Variants in MARS1 observed in about 807,000 individuals in gnomAD.
MARS1 encodes the protein methionyl-tRNA synthetase 1.
In MARS1, 80 loss-of-function variants were observed where a neutral mutation model predicts 119.5. The ratio of observed to expected loss-of-function variants is 0.67; its 90% CI spans 0.56 to 0.81. The LOEUF (loss-of-function observed/expected upper bound fraction) is 0.81, where lower values mean the gene tolerates loss of function less well. Among genes scored for constraint, MARS1 ranks in the 30% least tolerant of loss-of-function variants. The pLI is 0.00. For missense variants in MARS1, 945 were observed against 1,116.5 expected (o/e 0.85, Z 2.19); for synonymous variants, 418 against 433.4 (o/e 0.96, Z 0.44).
chr12:57,508,105 C>T (rs554966235), intron 11 of MARS1, among the ~76,000 whole-genome samples: 12 of 152,160 alleles, frequency 7.9e-5, no homozygotes, highest in South Asian at 2.1e-4. Flanking sequence ...GATGGGATGG[C>T]AGCTGGGAAG....
At position 57,490,518 on chromosome 12, in the gene MARS1, A is replaced by T; in HGVS notation, c.664-20A>T. On this transcript the variant is annotated intron_variant, in intron 6 of 20. Coordinates refer to ENST00000262027, the MANE Select transcript of MARS1 (RefSeq NM_004990.4). ...GTGGGCCCTCCTCACCTGGTAAGGG[A>T]TTCTCTCCACTCTTTATAGGAGGAG... The T allele has an allele frequency of 6.2e-7, 1 of 1,613,244 alleles. No homozygotes were observed. Among genetic ancestry groups the T allele is most frequent in the Non-Finnish European group, 8.5e-7 (1 of 1,179,220 alleles).
rs1565640172 is a variant in MARS1 at position 57,493,502 on chromosome 12, ATATAATATATAATATATAATATAT to A, written c.770+2876_770+2899del. On this transcript the variant is annotated intron_variant, in intron 7 of 20. Coordinates refer to ENST00000262027, the MANE Select transcript of MARS1 (RefSeq NM_004990.4). ...TATATAATATATAATATATTATAAT[ATATAATATATAATATATAATATAT>A]TATAATATATAATATATTATAATAT... Among the ~76,000 whole-genome samples, 17 of 5,544 alleles carry A rather than the reference ATATAATATATAATATATAATATAT, an allele frequency of 3.1e-3. 5 individuals are homozygous for A. Among genetic ancestry groups the A allele is most frequent in the African/African-American group, 0.012 (16 of 1,350 alleles). 3.6% of individuals were successfully genotyped at this position (5,544 alleles called of 152,430 possible).
chr12:57,508,534 G>A (rs187595910), intron 11 of MARS1, among the ~76,000 whole-genome samples: 7 of 152,380 alleles, frequency 4.6e-5, no homozygotes, highest in Admixed American at 1.3e-4. Flanking sequence ...GGCGGCACGC[G>A]CCCGCAATCG....
At chr12:57,488,460 ACTG>A in intron 1 of MARS1, 1 of 1,105,548 alleles carries the variant, frequency 9.0e-7, no homozygotes, top group Non-Finnish European at 1.3e-6. Flanking sequence ...ACCCCAGTAA[ACTG>A]CTCTTCCCTT....
intron 7 of MARS1, among the ~76,000 whole-genome samples, chr12:57,492,685 A>T (rs1219237689): frequency 1.3e-4 from 13 of 103,222 alleles, no homozygotes; most frequent in African/African-American, 5.3e-4. Context: ...ACACACACAC[A>T]CACACACACA....
chr12:57,495,551 A>G lies in MARS1; in HGVS notation c.771-2606A>G, dbSNP rs552307057. Among the ~76,000 whole-genome samples the G allele has an allele frequency of 1.8e-3, 265 of 149,838 alleles. 2 individuals carry two copies. Among genetic ancestry groups the G allele is most frequent in the African/African-American group, 6.4e-3 (258 of 40,402 alleles). On this transcript the variant is annotated intron_variant, in intron 7 of 20. Transcript: ENST00000262027. ...CAGGCAGAGGGGCTCCTCACATCCCAGACGATGGGCAGCCAGGCTGAGACG... is the reference window on the plus strand; with the variant it reads ...CAGGCAGAGGGGCTCCTCACATCCCGGACGATGGGCAGCCAGGCTGAGACG...
chr12:57,511,840 C>G lies in MARS1; in HGVS notation c.1511C>G (p.Pro504Arg). The G allele has an allele frequency of 6.2e-7, 1 of 1,614,176 alleles. No individual in the cohort carries two copies. The highest frequency in any genetic ancestry group is 1.6e-4 in the Middle Eastern group (1 of 6,062). ...ACCCGAGACCTCAAATGGGGAACCC[C>G]TGTACCCTTAGAAGGTTTTGAAGAC... ...CITRDLKWGT[P>R]VPLEGFEDKV... Residue 504 changes from proline (P) to arginine (R), a missense_variant, in exon 12 of 21, where the codon CCT becomes CGT. Coordinates refer to ENST00000262027, the MANE Select transcript of MARS1 (RefSeq NM_004990.4).
rs553797439 is a variant in MARS1, at chr12:57,512,839, T to C, written c.1842T>C (p.Ala614=). 3 of 1,614,256 alleles carry C rather than the reference T, an allele frequency of 1.9e-6. No individual in the cohort carries two copies. In the South Asian group the frequency reaches 3.3e-5, roughly 18 times the overall value. The change falls in exon 15 of 21, where the codon GCT becomes GCC. Residue 614 remains alanine (A), a synonymous_variant. Transcript: ENST00000262027. ...GDMAQDTGIP[A]DIWRFYLLYI... is the part of the protein sequence containing the mutation. Reference sequence around the variant, plus strand: ...TGGCCCAGGACACGGGGATCCCTGCTGACATCTGGCGCTTCTATCTGCTGT... The same window carrying C: ...TGGCCCAGGACACGGGGATCCCTGCCGACATCTGGCGCTTCTATCTGCTGT...
chr12:57,496,376 G>C (rs1354623600), intron 7 of MARS1, among the ~76,000 whole-genome samples: 1 of 150,776 alleles, frequency 6.6e-6, no homozygotes, highest in African/African-American at 2.4e-5. Flanking sequence ...ATGTTGGCCA[G>C]GCTGGTCTTG....
At chr12:57,515,360 T>C (rs959494893) in intron 18 of MARS1, 24 bp downstream of exon 18, 1 of 1,605,352 alleles carries the variant, frequency 6.2e-7, no homozygotes, top group Non-Finnish European at 8.5e-7. Context: ...CCAGCCTCTC[T>C]TAAAATTGAT....
chr12:57,512,002 C>T lies in MARS1; in HGVS notation c.1540-6C>T, dbSNP rs1877545368. 2 of 1,613,310 alleles carry T rather than the reference C, an allele frequency of 1.2e-6. No individual in the cohort carries two copies. The highest frequency in any genetic ancestry group is 1.7e-6 in the Non-Finnish European group (2 of 1,179,214). ...CCTAACATGTTTACCTCCTTCTGAC[C>T]TCCAGGTATTCTATGTCTGGTTTGA... On this transcript the variant is annotated splice_polypyrimidine_tract_variant and splice_region_variant and intron_variant, in intron 12 of 20. Coordinates refer to ENST00000262027, the MANE Select transcript of MARS1 (RefSeq NM_004990.4).
chr12:57,513,472 G>A (rs547447785), intron 15 of MARS1, among the ~76,000 whole-genome samples: 27 of 152,098 alleles, frequency 1.8e-4, no homozygotes, highest in African/African-American at 5.8e-4. Context: ...GAATCAGCCA[G>A]GCGTGGTGGC....
chr12:57,512,648 C>A, intron 14 of MARS1, 103 bp from the exon 15 acceptor site: 1 of 948,830 alleles, frequency 1.1e-6, no homozygotes, highest in Non-Finnish European at 1.7e-6. Context: ...TGCTAGACAC[C>A]CATAGTTGAG....
intron 7 of MARS1, among the ~76,000 whole-genome samples, chr12:57,494,856 G>C (rs1005781502): frequency 1.3e-5 from 2 of 152,176 alleles, no homozygotes; most frequent in Non-Finnish European, 2.9e-5. Flanking sequence ...TCCCAAGGCA[G>C]AAGAATTTTT....
Position 57,516,285 on chromosome 12 carries a change from C to G in MARS1, c.2504C>G (p.Thr835Arg), listed in dbSNP as rs765394045. The G allele has an allele frequency of 4.3e-6, 7 of 1,614,150 alleles. No individual in the cohort carries two copies. Among genetic ancestry groups the G allele is most frequent in the African/African-American group, 2.7e-5 (2 of 75,032 alleles). The change falls in exon 20 of 21, where the codon ACA becomes AGA. Residue 835 changes from threonine (T) to arginine (R), a missense_variant. Coordinates refer to ENST00000262027, the MANE Select transcript of MARS1 (RefSeq NM_004990.4). Reference sequence around the variant, plus strand: ...AAGCCAGCAGTTGTAGAGACTGTTACAACAGCCAAGCCACAGCAGATACAA... The same window carrying G: ...AAGCCAGCAGTTGTAGAGACTGTTAGAACAGCCAAGCCACAGCAGATACAA... Reference protein sequence around the residue: ...SPKPAVVETVTTAKPQQIQAL... With the variant: ...SPKPAVVETVRTAKPQQIQAL...
chr12:57,507,955 C>T (rs2140028782), intron 11 of MARS1, among the ~76,000 whole-genome samples: 1 of 150,980 alleles, frequency 6.6e-6, no homozygotes, highest in African/African-American at 2.4e-5. Context: ...GGGGCGGCTG[C>T]CGGGCGGAGG....
intron 7 of MARS1, among the ~76,000 whole-genome samples, chr12:57,495,245 G>A (rs1373411290): frequency 2.0e-5 from 3 of 151,198 alleles, no homozygotes; most frequent in African/African-American, 7.3e-5. Flanking sequence ...CGGACGGGGC[G>A]GCTGGCGGGG....
Position 57,511,754 on chromosome 12 carries a change from A to G in MARS1, c.1425A>G (p.Thr475=). The change falls in exon 12 of 21, where the codon ACA becomes ACG. Residue 475 remains threonine, a synonymous_variant. Transcript: ENST00000262027. ...LGRTLPGSDW[T]PNAQFITRSW... ...GGACATTGCCTGGCAGTGACTGGAC[A>G]CCCAATGCCCAGTTTATCACCCGTT... 1 of 1,614,148 alleles carries G rather than the reference A, an allele frequency of 6.2e-7. No homozygotes were observed. Among genetic ancestry groups the G allele is most frequent in the South Asian group, 1.1e-5 (1 of 91,078 alleles).
At chr12:57,513,112 TC>T (rs1877605383) in intron 15 of MARS1, 148 bp downstream of exon 15, 1 of 669,844 alleles carries the variant, frequency 1.5e-6, no homozygotes, top group Non-Finnish European at 2.7e-6. Flanking sequence ...TGGGATCTGT[TC>T]CTAGCACATA....
Sources: gnomAD v4.1 joint callset for allele counts (sites outside exome capture counted in the v4.1 genomes callset) on GRCh38, gnomAD v4.1.1 for gene constraint, MANE v1.5 for transcripts, NCBI Gene and HGNC (gene_info 2026-07-23, HGNC 2026-07-21) for gene names.